GBF1: variants seen among roughly 807,000 people sequenced by gnomAD.
GBF1 encodes Golgi-specific brefeldin A-resistance guanine nucleotide exchange factor 1.
A neutral mutation model predicts 210.5 loss-of-function variants in GBF1; 114 were observed. The observed-to-expected ratio is 0.54, with a 90% CI of 0.47 to 0.63. The LOEUF is 0.63. Among genes scored for constraint, GBF1 ranks in the 30% least tolerant of loss-of-function variants. The probability of loss-of-function intolerance (pLI) is 0.00; values close to 1 mark genes in which losing one functional copy is unlikely to be tolerated. For synonymous variants in GBF1, 850 were observed against 889.2 expected (o/e 0.96, Z 0.78); for missense variants, 1,851 against 2,357.7 (o/e 0.79, Z 4.45).
chr10:102,265,297 T>A (rs1380534685), intron 3 of GBF1, among the ~76,000 whole-genome samples: 1 of 152,214 alleles, frequency 6.6e-6, no homozygotes, highest in African/African-American at 2.4e-5. Flanking sequence ...TAGTCTGTCT[T>A]TGTCCTTGGT....
chr10:102,245,957 G>T (rs2070774442), intron 1 of GBF1, among the ~76,000 whole-genome samples, 176 bp downstream of exon 1: 1 of 152,202 alleles, frequency 6.6e-6, no homozygotes, highest in Admixed American at 6.5e-5. Context: ...GTATGCAGGG[G>T]CAAAGGTCAT....
intron 3 of GBF1, among the ~76,000 whole-genome samples, chr10:102,269,018 A>G (rs2074147300): frequency 6.6e-6 from 1 of 152,220 alleles, no homozygotes; most frequent in African/African-American, 2.4e-5. Flanking sequence ...GCACCTCACC[A>G]GTTTAGGGGC....
chr10:102,362,457 G>C lies in GBF1; in HGVS notation c.1687-18G>C. The C allele has an allele frequency of 6.4e-7, 1 of 1,560,834 alleles. No homozygotes were observed. ...TGTTCTCCTAACTACAAGTCCAATT[G>C]ATCTGTTTACTTTCCAGAATGCCTT... On this transcript the variant is annotated intron_variant, in intron 14 of 39. Coordinates refer to ENST00000369983, the MANE Select transcript of GBF1 (RefSeq NM_001377137.1).
chr10:102,316,084 CTT>C (rs912378779), intron 3 of GBF1, among the ~76,000 whole-genome samples: 1 of 133,096 alleles, frequency 7.5e-6, no homozygotes, highest in East Asian at 2.1e-4. Flanking sequence ...CTTCCCTCCA[CTT>C]TTTTTTTTTT....
intron 3 of GBF1, among the ~76,000 whole-genome samples, chr10:102,261,378 C>T (rs1011204031): frequency 1.3e-5 from 2 of 152,040 alleles, no homozygotes; most frequent in Admixed American, 6.6e-5. Context: ...GAGCTATGTT[C>T]CTTTGTTGAC....
chr10:102,250,158 C>T (rs2071332543), intron 1 of GBF1, among the ~76,000 whole-genome samples: 2 of 152,152 alleles, frequency 1.3e-5, no homozygotes, highest in Admixed American at 6.6e-5. Flanking sequence ...AACAAAATTG[C>T]GCTTTTGCCT....
At chr10:102,342,061 G>T (rs2058220538) in intron 3 of GBF1, among the ~76,000 whole-genome samples, 1 of 148,760 alleles carries the variant, frequency 6.7e-6, no homozygotes. Context: ...TTTTGAGTCG[G>T]AGTCTTGTTC....
Position 102,363,548 on chromosome 10 carries a change from C to T in GBF1, c.2017+152C>T, listed in dbSNP as rs967548703. ...AGAGAGAGGGAAGCAAACATATGGA[C>T]CCTCAGTTGATAGGACTTCCAGGGA... On this transcript the variant is annotated intron_variant, in intron 16 of 39. Transcript: ENST00000369983. The surrounding 1 kb of genome is among the most constrained non-coding windows in gnomAD (Gnocchi z 4.2). 19 of 865,902 alleles carry T rather than the reference C, an allele frequency of 2.2e-5. No homozygotes were observed. The highest frequency in any genetic ancestry group is 3.4e-5 in the Non-Finnish European group (18 of 536,584). 53.6% of individuals were successfully genotyped at this position (865,902 alleles called of 1,614,324 possible). A position where few individuals can be genotyped will look rare whatever the true frequency, so the allele number is the denominator to read the frequency against.
chr10:102,369,327 T>C lies in GBF1; in HGVS notation c.3090T>C (p.Asn1030=). 1.9e-6 allele frequency: 3 copies of C among 1,614,020 alleles called. No homozygotes were observed. The highest frequency in any genetic ancestry group is 2.5e-6 in the Non-Finnish European group (3 of 1,179,862). Residue 1030 remains asparagine, a synonymous_variant, in exon 24 of 40, where the codon AAT becomes AAC. Transcript: ENST00000369983. ...ACATCCTGCGGGAGGGCTGGAAGAA[T>C]ATCATGGAGGCCATGCTGCAGCTCT... ...HGDILREGWK[N]IMEAMLQLFR... is the part of the protein sequence containing the mutation.
intron 3 of GBF1, among the ~76,000 whole-genome samples, chr10:102,279,171 AT>A (rs1173509435): frequency 2.0e-5 from 3 of 152,240 alleles, no homozygotes; most frequent in Non-Finnish European, 2.9e-5. Context: ...AAAGATCTAT[AT>A]TTTTTTATGT....
intron 1 of GBF1, 124 bp downstream of exon 1, chr10:102,245,905 G>A (rs1434506495): frequency 1.3e-5 from 2 of 152,292 alleles, no homozygotes; most frequent in Non-Finnish European, 2.9e-5. Context: ...CAGCGGACAG[G>A]AATAAGACGA....
At chr10:102,362,218 G>A (rs369385908) in intron 14 of GBF1, among the ~76,000 whole-genome samples, 38 of 151,478 alleles carry the variant, frequency 2.5e-4, no homozygotes, top group African/African-American at 8.7e-4. Flanking sequence ...CACCACGCCC[G>A]GCTAATTTTT....
intron 3 of GBF1, among the ~76,000 whole-genome samples, chr10:102,340,056 A>T (rs1440124302): frequency 1.4e-5 from 2 of 144,124 alleles, no homozygotes; most frequent in African/African-American, 2.6e-5. Context: ...TGGGTTCAAG[A>T]TATTCTTTCA....
At chr10:102,246,977 A>G (rs778320633) in intron 1 of GBF1, among the ~76,000 whole-genome samples, 4 of 152,218 alleles carry the variant, frequency 2.6e-5, no homozygotes, top group Non-Finnish European at 5.9e-5. Context: ...GTAGGTTAAG[A>G]GCAGGATCAA....
intron 3 of GBF1, among the ~76,000 whole-genome samples, chr10:102,262,557 C>T (rs1019967604): frequency 6.6e-6 from 1 of 152,062 alleles, no homozygotes; most frequent in South Asian, 2.1e-4. Context: ...CTGGGAATAC[C>T]CTAAAATGAC....
At chr10:102,273,315 G>A (rs1033396390) in intron 3 of GBF1, among the ~76,000 whole-genome samples, 1 of 152,042 alleles carries the variant, frequency 6.6e-6, no homozygotes. Context: ...CTGGGCGACA[G>A]AGCAAGACTG....
chr10:102,260,017 A>C (rs761209886), intron 2 of GBF1, 33 bp from the exon 3 acceptor site: 1 of 1,254,982 alleles, frequency 8.0e-7, no homozygotes, highest in South Asian at 1.2e-5. Flanking sequence ...TTTTGGCCCA[A>C]TAATGACTTA....
intron 3 of GBF1, among the ~76,000 whole-genome samples, chr10:102,286,204 T>TG (rs1282809422): frequency 1.1e-4 from 16 of 147,430 alleles, no homozygotes; most frequent in African/African-American, 3.5e-4. Context: ...GTTTTTTTTT[T>TG]TTTTTTTTTT....
At chr10:102,324,590 CT>C (rs959817280) in intron 3 of GBF1, among the ~76,000 whole-genome samples, 3 of 149,034 alleles carry the variant, frequency 2.0e-5, no homozygotes, top group Admixed American at 6.7e-5. Flanking sequence ...GTTACTTGAT[CT>C]TTTTTTTTTA....
Sources: allele counts gnomAD v4.1 joint callset (sites outside exome capture counted in the v4.1 genomes callset), GRCh38; gene constraint gnomAD v4.1.1; non-coding constraint Gnocchi (gnomAD v3.1); transcripts MANE v1.5; gene names NCBI Gene and HGNC (gene_info 2026-07-23, HGNC 2026-07-21).